Variants in MAST4 observed in about 807,000 individuals in gnomAD.
The protein encoded by MAST4 is microtubule-associated serine/threonine-protein kinase 4.
In MAST4, 89 loss-of-function variants were observed where a neutral mutation model predicts 162.7. The ratio of observed to expected loss-of-function variants is 0.55; its 90% CI spans 0.46 to 0.65. MAST4 has a LOEUF of 0.65. MAST4 is among the 30% of genes least tolerant of loss of function. The pLI is 0.00. For synonymous variants in MAST4, 1,479 were observed against 1,361.1 expected, an observed-to-expected ratio of 1.09 and a Z score of -1.91; for missense variants, 3,153 against 3,374.0, an observed-to-expected ratio of 0.93 and a Z score of 1.62.
intron 3 of MAST4, among the ~76,000 whole-genome samples, chr5:66,796,166 A>C (rs985575546): frequency 6.6e-6 from 1 of 152,144 alleles, no homozygotes; most frequent in African/African-American, 2.4e-5. Flanking sequence ...AATGAAGTGT[A>C]AAATCCTCTC....
intron 1 of MAST4, among the ~76,000 whole-genome samples, chr5:66,663,845 C>G (rs921273787): frequency 5.3e-5 from 8 of 152,112 alleles, no homozygotes; most frequent in Admixed American, 1.3e-4. Context: ...ATCACTCTGG[C>G]TACCATGTTG....
intron 4 of MAST4, among the ~76,000 whole-genome samples, chr5:66,973,039 C>T (rs1177099769): frequency 6.6e-6 from 1 of 152,114 alleles, no homozygotes; most frequent in Non-Finnish European, 1.5e-5. Flanking sequence ...TAACACTTGC[C>T]ACATTTGCTC....
intron 4 of MAST4, among the ~76,000 whole-genome samples, chr5:67,051,673 A>G (rs111561895): frequency 1.8e-3 from 269 of 152,264 alleles, no homozygotes; most frequent in African/African-American, 6.2e-3. Flanking sequence ...GTAGGGTCCT[A>G]GGATTTTAAA....
intron 1 of MAST4, among the ~76,000 whole-genome samples, chr5:66,753,668 C>T (rs1186170950): frequency 1.3e-5 from 2 of 151,336 alleles, no homozygotes; most frequent in African/African-American, 4.9e-5. Flanking sequence ...AATAGCTTAC[C>T]AACCAAACAG....
chr5:66,996,261 A>G (rs34694), intron 4 of MAST4, among the ~76,000 whole-genome samples: 131,217 of 152,104 alleles, frequency 0.86, 56,653 homozygotes, highest in African/African-American at 0.89. Context: ...CCTGGGCAAC[A>G]AGAGTGAAAC....
rs62362263 is a variant in MAST4, at chr5:66,601,106, T to C, written c.363+4088T>C. 3.1e-3 allele frequency among the ~76,000 whole-genome samples: 465 copies of C among 152,344 alleles called. 2 individuals carry two copies. Among genetic ancestry groups the C allele is most frequent in the Non-Finnish European group, 5.7e-3 (389 of 68,020 alleles). ...GTGGGGGGTTTCCCACGTGTACTAA[T>C]GCAGTAGATGAGTTTCTGGTGTTTG... On this transcript the variant is annotated intron_variant, in intron 1 of 28. Transcript: ENST00000403625.
At chr5:66,984,897 A>G (rs910185310) in intron 4 of MAST4, among the ~76,000 whole-genome samples, 7 of 152,172 alleles carry the variant, frequency 4.6e-5, no homozygotes, top group Admixed American at 1.3e-4. Context: ...ATCGTGGAAG[A>G]AAATTAAAAG....
At chr5:66,768,089 A>T (rs1033773323) in intron 2 of MAST4, among the ~76,000 whole-genome samples, 1 of 152,224 alleles carries the variant, frequency 6.6e-6, no homozygotes, top group African/African-American at 2.4e-5. Flanking sequence ...GTCATTAAGG[A>T]ATCAGAGATG....
At chr5:67,099,422 GCTT>G (rs1315560683) in intron 7 of MAST4, among the ~76,000 whole-genome samples, 2 of 151,804 alleles carry the variant, frequency 1.3e-5, no homozygotes, top group Non-Finnish European at 2.9e-5. Context: ...TAATTTTTAA[GCTT>G]TAGGCATTAA....
chr5:66,926,485 T>G (rs1020051034), intron 4 of MAST4, among the ~76,000 whole-genome samples: 2 of 152,118 alleles, frequency 1.3e-5, no homozygotes, highest in African/African-American at 4.8e-5. Flanking sequence ...AAGCAGAGGT[T>G]GCAGTTAGCT....
chr5:67,012,002 G>A (rs971386427), intron 4 of MAST4, among the ~76,000 whole-genome samples: 1 of 152,206 alleles, frequency 6.6e-6, no homozygotes, highest in Non-Finnish European at 1.5e-5. Flanking sequence ...CTGCTATTGT[G>A]TGTGTGTGAG....
At chr5:66,672,837 C>T (rs563730072) in intron 1 of MAST4, among the ~76,000 whole-genome samples, 2 of 152,288 alleles carry the variant, frequency 1.3e-5, no homozygotes, top group Non-Finnish European at 2.9e-5. Flanking sequence ...TAATTATATA[C>T]AGTACATCAT....
intron 1 of MAST4, among the ~76,000 whole-genome samples, chr5:66,670,653 G>T (rs1747546745): frequency 6.6e-6 from 1 of 151,998 alleles, no homozygotes; most frequent in Non-Finnish European, 1.5e-5. Flanking sequence ...TATCTCACTA[G>T]AACTATTTTG....
At chr5:66,924,555 A>G (rs918933339) in intron 4 of MAST4, among the ~76,000 whole-genome samples, 2 of 151,886 alleles carry the variant, frequency 1.3e-5, no homozygotes, top group Non-Finnish European at 2.9e-5. Context: ...CACCGCGTCC[A>G]CCACCGCGCC....
intron 14 of MAST4, among the ~76,000 whole-genome samples, chr5:67,128,487 AAAT>A (rs1464594762): frequency 1.3e-5 from 2 of 152,226 alleles, no homozygotes; most frequent in African/African-American, 2.4e-5. Context: ...AGCAAAGCAA[AAAT>A]AATAATAATG....
At chr5:66,786,307 A>G (rs1755118595) in intron 2 of MAST4, among the ~76,000 whole-genome samples, 2 of 151,906 alleles carry the variant, frequency 1.3e-5, no homozygotes, top group Non-Finnish European at 2.9e-5. Context: ...AGTTTTCTTT[A>G]AAATGAAGCA....
chr5:67,051,462 C>CCT (rs1561579622), intron 4 of MAST4, among the ~76,000 whole-genome samples: 4 of 152,066 alleles, frequency 2.6e-5, no homozygotes, highest in South Asian at 2.1e-4. Context: ...GCTGTGGCAA[C>CCT]CTGGGTGACA....
chr5:67,146,085 T>G (rs962143072), intron 23 of MAST4, among the ~76,000 whole-genome samples: 4 of 152,246 alleles, frequency 2.6e-5, no homozygotes, highest in Non-Finnish European at 5.9e-5. Context: ...AAAAGTTACC[T>G]TCCCCATCTC....
At chr5:67,071,389 A>G (rs750498316) in intron 5 of MAST4, among the ~76,000 whole-genome samples, 3 of 152,212 alleles carry the variant, frequency 2.0e-5, no homozygotes, top group Non-Finnish European at 4.4e-5. Flanking sequence ...AGGTAGATAG[A>G]TAAAATCATA....
Sources: gnomAD v4.1 joint callset for allele counts (sites outside exome capture counted in the v4.1 genomes callset) on GRCh38, gnomAD v4.1.1 for gene constraint, MANE v1.5 for transcripts, NCBI Gene and HGNC (gene_info 2026-07-23, HGNC 2026-07-21) for gene names.